TACC2: variants seen among roughly 807,000 people sequenced by gnomAD.
TACC2 encodes transforming acidic coiled-coil-containing protein 2.
TACC2 carries 137 observed loss-of-function variants against 227.3 expected under a neutral mutation model. The ratio of observed to expected loss-of-function variants is 0.60; its 90% CI spans 0.52 to 0.69. The LOEUF (loss-of-function observed/expected upper bound fraction) is 0.69. TACC2 is among the 30% of genes least tolerant of loss of function. The probability of loss-of-function intolerance (pLI) is 0.00; values close to 1 mark genes in which losing one functional copy is unlikely to be tolerated. For synonymous variants in TACC2, 1,523 were observed against 1,487.5 expected (o/e 1.02, Z -0.55); for missense variants, 3,470 against 3,694.4 (o/e 0.94, Z 1.57).
intron 3 of TACC2, among the ~76,000 whole-genome samples, chr10:122,061,402 A>G (rs1216565304): frequency 6.6e-6 from 1 of 152,004 alleles, no homozygotes; most frequent in Non-Finnish European, 1.5e-5. Flanking sequence ...CACTAAGGTC[A>G]GGTGTGTCTG....
chr10:122,067,234 G>T (rs1251853514), intron 3 of TACC2, among the ~76,000 whole-genome samples: 9 of 152,038 alleles, frequency 5.9e-5, no homozygotes, highest in Admixed American at 5.9e-4. Context: ...TCTGCTAGGG[G>T]TTATTCTTTT....
rs192395482 is a variant in TACC2 at position 122,081,173 on chromosome 10, T to C, written c.147-1474T>C. On this transcript the variant is annotated intron_variant, in intron 3 of 22. Transcript: ENST00000369005. ...AGCAGTATTTTTTCTGATTTTTTTT[T>C]CCTACATTTTCCACACTTTGTGTTG... Among the ~76,000 whole-genome samples, 200 of 152,144 alleles carry C rather than the reference T, an allele frequency of 1.3e-3. 1 individual carries two copies. The highest frequency in any genetic ancestry group is 4.1e-3 in the African/African-American group (169 of 41,478).
chr10:122,030,474 C>T (rs936471096), intron 2 of TACC2, among the ~76,000 whole-genome samples: 14 of 152,060 alleles, frequency 9.2e-5, no homozygotes, highest in African/African-American at 2.4e-4. Flanking sequence ...TTGCAGGCGA[C>T]GGATGTTCTA....
intron 2 of TACC2, among the ~76,000 whole-genome samples, chr10:122,029,249 T>C (rs1958628614): frequency 6.6e-6 from 1 of 151,928 alleles, no homozygotes; most frequent in African/African-American, 2.4e-5. Context: ...TGAATGAGTG[T>C]TCGGTTTTGT....
intron 2 of TACC2, among the ~76,000 whole-genome samples, chr10:122,026,662 A>G (rs1350525144): frequency 6.6e-6 from 1 of 150,428 alleles, no homozygotes; most frequent in African/African-American, 2.5e-5. Context: ...CCTGGCAACC[A>G]TGAATCTTTT....
chr10:122,193,777 C>G (rs548433661), intron 7 of TACC2, among the ~76,000 whole-genome samples: 1 of 152,320 alleles, frequency 6.6e-6, no homozygotes, highest in East Asian at 1.9e-4. Context: ...AGGCTGGGCT[C>G]AGGACCGTGG....
chr10:122,217,212 C>G (rs968797137), intron 11 of TACC2, among the ~76,000 whole-genome samples: 3 of 152,000 alleles, frequency 2.0e-5, no homozygotes, highest in African/African-American at 7.3e-5. Flanking sequence ...CTGACCTGGA[C>G]TCGCTTGGTG....
chr10:122,004,397 CAAA>C (rs140584119), intron 1 of TACC2, among the ~76,000 whole-genome samples: 245 of 104,188 alleles, frequency 2.4e-3, no homozygotes, highest in African/African-American at 9.2e-3. Flanking sequence ...GACTCTGTCT[CAAA>C]AAAAAAAAAA....
At chr10:122,103,496 T>C (rs190904250) in intron 5 of TACC2, among the ~76,000 whole-genome samples, 143 of 152,286 alleles carry the variant, frequency 9.4e-4, no homozygotes, top group Non-Finnish European at 1.4e-3. Flanking sequence ...GTGCATAATA[T>C]TATTGTGGTT....
At chr10:122,065,564 A>T (rs1450907029) in intron 3 of TACC2, among the ~76,000 whole-genome samples, 1 of 152,128 alleles carries the variant, frequency 6.6e-6, no homozygotes. Context: ...TTCCATCTGT[A>T]CTTGAAAAAA....
chr10:122,043,212 G>C (rs371435390), intron 2 of TACC2, among the ~76,000 whole-genome samples: 24 of 152,196 alleles, frequency 1.6e-4, no homozygotes, highest in African/African-American at 5.1e-4. Flanking sequence ...CATTGGGTAT[G>C]TTTTTGAAGC....
intron 2 of TACC2, among the ~76,000 whole-genome samples, chr10:122,025,821 G>A (rs1160742489): frequency 2.0e-5 from 3 of 146,764 alleles, no homozygotes; most frequent in Admixed American, 6.8e-5. Context: ...TGATCCACCC[G>A]CCTCGGCTGC....
intron 5 of TACC2, among the ~76,000 whole-genome samples, chr10:122,117,553 C>T (rs554447884): frequency 2.6e-5 from 4 of 152,116 alleles, no homozygotes; most frequent in Admixed American, 6.5e-5. Context: ...TACAAACACA[C>T]GAATATGGGG....
intron 15 of TACC2, 110 bp downstream of exon 15, chr10:122,229,596 C>A: frequency 7.9e-7 from 1 of 1,267,246 alleles, no homozygotes; most frequent in Non-Finnish European, 1.1e-6. Context: ...CTGCCGAGAA[C>A]GTTCCCAGTG....
chr10:122,159,843 T>C (rs1404949109), intron 7 of TACC2, among the ~76,000 whole-genome samples: 1 of 152,036 alleles, frequency 6.6e-6, no homozygotes, highest in Non-Finnish European at 1.5e-5. Flanking sequence ...TCGGGGTCCA[T>C]TGGTGGTGTT....
At chr10:122,136,389 A>AG (rs2089638900) in intron 6 of TACC2, among the ~76,000 whole-genome samples, 1 of 152,010 alleles carries the variant, frequency 6.6e-6, no homozygotes, top group Admixed American at 6.5e-5. Flanking sequence ...AGAGAGGCAG[A>AG]GGGTGGGATG....
At chr10:122,020,633 T>C (rs1247581653) in intron 1 of TACC2, among the ~76,000 whole-genome samples, 9 of 152,144 alleles carry the variant, frequency 5.9e-5, no homozygotes, top group Non-Finnish European at 1.3e-4. Context: ...AAATCTTCAA[T>C]TAGAAGGCTG....
chr10:122,020,953 C>G (rs968883256), intron 1 of TACC2, among the ~76,000 whole-genome samples: 14 of 152,118 alleles, frequency 9.2e-5, no homozygotes, highest in Non-Finnish European at 1.8e-4. Context: ...ATTAATAGGC[C>G]GGGCGCGGTG....
Position 122,087,032 on chromosome 10 carries a change from G to T in TACC2, c.4532G>T (p.Gly1511Val). Residue 1511 changes from glycine to valine, a missense_variant, in exon 4 of 23, where the codon GGT (glycine) becomes GTT (valine). Gly to Val is a moderately radical substitution (Grantham distance 109). Transcript: ENST00000369005. ...AGLTWERNLP[G>V]AGVGKEMAGV... is the part of the protein sequence containing the mutation. ...CTGACCTGGGAGCGGAACTTGCCAG[G>T]TGCCGGTGTGGGGAAGGAGATGGCA... The T allele has an allele frequency of 6.2e-7, 1 of 1,613,870 alleles. No homozygotes were observed. The highest frequency in any genetic ancestry group is 8.5e-7 in the Non-Finnish European group (1 of 1,180,010).
Sources: allele counts gnomAD v4.1 joint callset (sites outside exome capture counted in the v4.1 genomes callset), GRCh38; gene constraint gnomAD v4.1.1; transcripts MANE v1.5; gene names NCBI Gene and HGNC (gene_info 2026-07-23, HGNC 2026-07-21).